RCOR1: variants seen among roughly 807,000 people sequenced by gnomAD.
The protein encoded by RCOR1 is REST corepressor.
In RCOR1, 12 loss-of-function variants were observed where a neutral mutation model predicts 64.0. That is an observed-to-expected ratio of 0.19 (90% CI 0.12 to 0.30). RCOR1 has a LOEUF of 0.30. RCOR1 is among the 10% of genes least tolerant of loss of function. RCOR1 has a pLI of 1.00. For missense variants in RCOR1, 502 were observed against 621.2 expected (o/e 0.81, Z 2.04); for synonymous variants, 279 against 227.2 (o/e 1.23, Z -2.05).
intron 3 of RCOR1, among the ~76,000 whole-genome samples, chr14:102,692,587 C>G (rs1895557122): frequency 6.6e-6 from 1 of 152,018 alleles, no homozygotes; most frequent in Admixed American, 6.6e-5. Flanking sequence ...TGATTTTAAG[C>G]ACAAATGGTT....
intron 2 of RCOR1, among the ~76,000 whole-genome samples, chr14:102,610,756 G>A (rs915752621): frequency 7.2e-5 from 11 of 151,960 alleles, no homozygotes; most frequent in Admixed American, 2.0e-4. Flanking sequence ...AGGTTTCACC[G>A]TATTAGCCAG....
chr14:102,683,678 G>A (rs889338531), intron 3 of RCOR1, among the ~76,000 whole-genome samples: 1 of 152,240 alleles, frequency 6.6e-6, no homozygotes, highest in African/African-American at 2.4e-5. Flanking sequence ...TTCCGTGCGC[G>A]AATGTGGCCC....
At chr14:102,708,907 C>G (rs541072123) in intron 6 of RCOR1, among the ~76,000 whole-genome samples, 4 of 152,086 alleles carry the variant, frequency 2.6e-5, no homozygotes, top group Non-Finnish European at 5.9e-5. Flanking sequence ...TTACAAGATT[C>G]ATTTGGTGTG....
chr14:102,717,065 T>A (rs1312642673), intron 8 of RCOR1, among the ~76,000 whole-genome samples: 1 of 152,252 alleles, frequency 6.6e-6, no homozygotes, highest in Non-Finnish European at 1.5e-5. Flanking sequence ...TGGTACTTTT[T>A]TGGTGCTCTT....
chr14:102,627,154 T>C (rs1405425581), intron 2 of RCOR1, among the ~76,000 whole-genome samples: 1 of 152,188 alleles, frequency 6.6e-6, no homozygotes, highest in Non-Finnish European at 1.5e-5. Context: ...CCTTACCAGA[T>C]GTGCTACCTG....
chr14:102,707,720 C>T (rs919500122), intron 5 of RCOR1, among the ~76,000 whole-genome samples: 9 of 152,082 alleles, frequency 5.9e-5, no homozygotes, highest in African/African-American at 1.2e-4. Flanking sequence ...CCCATCCTGT[C>T]GTCTGTGACT....
intron 2 of RCOR1, among the ~76,000 whole-genome samples, chr14:102,649,107 C>T (rs1894533838): frequency 6.6e-6 from 1 of 150,590 alleles, no homozygotes; most frequent in South Asian, 2.1e-4. Context: ...AAAAAAATCA[C>T]ACATAATCAC....
At chr14:102,615,447 C>G (rs1022118980) in intron 2 of RCOR1, among the ~76,000 whole-genome samples, 2 of 131,912 alleles carry the variant, frequency 1.5e-5, no homozygotes, top group Non-Finnish European at 3.3e-5. Context: ...CTGCATAATT[C>G]TTTTTTTTTT....
intron 2 of RCOR1, chr14:102,657,903 T>A (rs1490825581): frequency 1.0e-6 from 1 of 984,678 alleles, no homozygotes; most frequent in African/African-American, 1.8e-5. Flanking sequence ...AGTTTCCCAT[T>A]ATATTGCCTC....
chr14:102,608,687 G>A (rs1220275164), intron 2 of RCOR1, among the ~76,000 whole-genome samples: 4 of 151,636 alleles, frequency 2.6e-5, no homozygotes, highest in Non-Finnish European at 5.9e-5. Flanking sequence ...CACCTGTCTC[G>A]GCCTCCCAAA....
chr14:102,644,897 GT>G (rs1894448940), intron 2 of RCOR1, among the ~76,000 whole-genome samples: 1 of 152,130 alleles, frequency 6.6e-6, no homozygotes, highest in Non-Finnish European at 1.5e-5. Flanking sequence ...TGAGAATTTT[GT>G]TTTGTCTTCT....
intron 2 of RCOR1, among the ~76,000 whole-genome samples, chr14:102,602,945 G>T (rs1338129292): frequency 6.6e-6 from 1 of 152,098 alleles, no homozygotes; most frequent in Non-Finnish European, 1.5e-5. Context: ...GGCTCAACCA[G>T]TCCTTCTGCT....
intron 8 of RCOR1, among the ~76,000 whole-genome samples, chr14:102,718,762 A>C (rs1288343044): frequency 6.6e-6 from 1 of 151,962 alleles, no homozygotes; most frequent in Admixed American, 6.6e-5. Flanking sequence ...TGCTTAATAA[A>C]CACTAGATGT....
chr14:102,726,000 T>C (rs1896251467), intron 11 of RCOR1, among the ~76,000 whole-genome samples: 1 of 152,146 alleles, frequency 6.6e-6, no homozygotes. Context: ...GGCCAAGACG[T>C]CTGGCTGGAG....
At chr14:102,707,173 A>G (rs1895874754) in intron 4 of RCOR1, among the ~76,000 whole-genome samples, 178 bp from the exon 5 acceptor site, 2 of 152,204 alleles carry the variant, frequency 1.3e-5, no homozygotes, top group Admixed American at 1.3e-4. Context: ...AAGTATGTGT[A>G]TATTACCACA....
intron 2 of RCOR1, among the ~76,000 whole-genome samples, chr14:102,606,123 A>C (rs1170101002): frequency 1.3e-5 from 2 of 152,172 alleles, no homozygotes; most frequent in East Asian, 3.9e-4. Context: ...ATAGGGTTTC[A>C]TCATATTGGG....
chr14:102,595,514 TCTAA>T (rs1207224357), intron 2 of RCOR1, among the ~76,000 whole-genome samples: 2 of 151,942 alleles, frequency 1.3e-5, no homozygotes, highest in African/African-American at 4.8e-5. Flanking sequence ...AAGGAAAACA[TCTAA>T]CTGTTTTGCT....
intron 11 of RCOR1, among the ~76,000 whole-genome samples, chr14:102,725,658 G>A (rs1896244151): frequency 6.6e-6 from 1 of 152,146 alleles, no homozygotes; most frequent in African/African-American, 2.4e-5. Flanking sequence ...GCTCACTGCA[G>A]CCTCCATCTC....
At chr14:102,725,616 C>G (rs560315613) in intron 11 of RCOR1, among the ~76,000 whole-genome samples, 1 of 152,168 alleles carries the variant, frequency 6.6e-6, no homozygotes, top group African/African-American at 2.4e-5. Context: ...TTCTGTTGCC[C>G]AGAGCAAGTG....
Sources: allele counts gnomAD v4.1 joint callset (sites outside exome capture counted in the v4.1 genomes callset), GRCh38; gene constraint gnomAD v4.1.1; transcripts MANE v1.5; gene names NCBI Gene and HGNC (gene_info 2026-07-23, HGNC 2026-07-21).